Variants in FRMD4A observed in about 807,000 individuals in gnomAD.
FRMD4A encodes FERM domain-containing protein 4A.
FRMD4A carries 29 observed loss-of-function variants against 129.1 expected under a neutral mutation model. The ratio of observed to expected loss-of-function variants is 0.22; its 90% CI spans 0.17 to 0.31. FRMD4A has a LOEUF of 0.31. Among genes scored for constraint, FRMD4A ranks in the 10% least tolerant of loss-of-function variants. The pLI, the probability that FRMD4A is intolerant of heterozygous loss-of-function variation, is 1.00. For missense variants in FRMD4A, 1,272 were observed against 1,375.8 expected, an observed-to-expected ratio of 0.92 and a Z score of 1.19; for synonymous variants, 634 against 571.6, an observed-to-expected ratio of 1.11 and a Z score of -1.56.
chr10:13,689,730 T>C (rs752751652), intron 15 of FRMD4A, among the ~76,000 whole-genome samples: 1 of 115,984 alleles, frequency 8.6e-6, no homozygotes, highest in Non-Finnish European at 1.7e-5. Context: ...ATTAAGAAGA[T>C]TTTTTTTTTT....
At chr10:14,201,228 C>A (rs1159288129) in intron 2 of FRMD4A, among the ~76,000 whole-genome samples, 2 of 152,240 alleles carry the variant, frequency 1.3e-5, no homozygotes, top group Non-Finnish European at 2.9e-5. Flanking sequence ...CTCTTGCTCG[C>A]CAGTCCTTGG....
In FRMD4A at chr10:13,694,167, A is replaced by G. The variant is rs909846008; in HGVS notation, c.976-128T>C. 7 of 680,604 alleles carry G rather than the reference A, an allele frequency of 1.0e-5. No individual in the cohort carries two copies. The Admixed American group carries it at 2.1e-4, about 21-fold the overall frequency. 42.2% of individuals were successfully genotyped at this position (680,604 alleles called of 1,614,324 possible). A position where few individuals can be genotyped will look rare whatever the true frequency, so the allele number is the denominator to read the frequency against. On this transcript the variant is annotated intron_variant, in intron 14 of 24. Transcript: ENST00000357447. ...GGACTTATCTCCCTGACTAATGTGCAGCATTTTTGTTTGCATCCCTTGGCC... is the reference window on the plus strand; with the variant it reads ...GGACTTATCTCCCTGACTAATGTGCGGCATTTTTGTTTGCATCCCTTGGCC...
At chr10:13,958,343 G>A (rs995187710) in intron 2 of FRMD4A, among the ~76,000 whole-genome samples, 3 of 147,394 alleles carry the variant, frequency 2.0e-5, no homozygotes, top group Non-Finnish European at 3.0e-5. Context: ...GAGTGCAGTG[G>A]CGCGATCTCG....
intron 2 of FRMD4A, among the ~76,000 whole-genome samples, chr10:14,112,303 A>C (rs1837954241): frequency 6.6e-6 from 1 of 151,982 alleles, no homozygotes; most frequent in South Asian, 2.1e-4. Flanking sequence ...AACATGATTA[A>C]TGTGGCATTT....
At chr10:13,913,993 T>C (rs1589254543) in intron 2 of FRMD4A, among the ~76,000 whole-genome samples, 2 of 152,274 alleles carry the variant, frequency 1.3e-5, no homozygotes, top group Admixed American at 1.3e-4. Context: ...GGCTAGCAGG[T>C]GAGGCTTGAC....
chr10:14,171,308 C>T (rs570613216), intron 2 of FRMD4A, among the ~76,000 whole-genome samples: 10 of 152,200 alleles, frequency 6.6e-5, no homozygotes, highest in African/African-American at 2.4e-4. Flanking sequence ...TGCCAGAAGG[C>T]CAGTTAGAAA....
intron 2 of FRMD4A, among the ~76,000 whole-genome samples, chr10:13,980,979 G>A (rs1318098308): frequency 2.0e-5 from 3 of 152,140 alleles, no homozygotes; most frequent in Admixed American, 1.3e-4. Flanking sequence ...TGCAAAATCA[G>A]GCCTGTTTTA....
In FRMD4A at chr10:14,127,964, TTCTTTCTTTCTTTCCTTCTC is replaced by T. The variant is rs1464470377; in HGVS notation, c.45+202074_45+202093del. On this transcript the variant is annotated intron_variant, in intron 2 of 24. Transcript: ENST00000357447. ...TTTCTTTCTTTCTTTCTTTCTTTCT[TTCTTTCTTTCTTTCCTTCTC>T]TCTCTCTCTCTCTCTCTTTCTTTCT... Among the ~76,000 whole-genome samples, 250 of 35,306 alleles carry T rather than the reference TTCTTTCTTTCTTTCCTTCTC, an allele frequency of 7.1e-3. 16 individuals are homozygous for T. The highest frequency in any genetic ancestry group is 0.033 in the African/African-American group (221 of 6,674). 23.2% of individuals were successfully genotyped at this position (35,306 alleles called of 152,430 possible).
intron 2 of FRMD4A, among the ~76,000 whole-genome samples, chr10:13,915,533 A>G (rs960218786): frequency 1.3e-5 from 2 of 151,736 alleles, no homozygotes; most frequent in Admixed American, 6.6e-5. Context: ...TTAGCCGGGC[A>G]TGGTGGTGGG....
chr10:13,968,096 T>A (rs1023417175), intron 2 of FRMD4A, among the ~76,000 whole-genome samples: 1 of 152,198 alleles, frequency 6.6e-6, no homozygotes, highest in Non-Finnish European at 1.5e-5. Flanking sequence ...ATGTGCAGAA[T>A]GAGGCCCCTT....
intron 2 of FRMD4A, among the ~76,000 whole-genome samples, chr10:14,282,795 AT>A (rs1845564247): frequency 6.6e-6 from 1 of 152,168 alleles, no homozygotes; most frequent in Non-Finnish European, 1.5e-5. Context: ...TGTGGTGAAA[AT>A]TTAAAATTAG....
intron 2 of FRMD4A, among the ~76,000 whole-genome samples, chr10:13,935,631 G>A (rs72774664): frequency 0.08 from 12,143 of 152,038 alleles, 642 homozygotes; most frequent in Non-Finnish European, 0.12. Flanking sequence ...ATTTTTCAGT[G>A]GTGACGTGAA....
intron 2 of FRMD4A, among the ~76,000 whole-genome samples, chr10:14,176,135 T>C (rs949542174): frequency 1.3e-5 from 2 of 152,228 alleles, no homozygotes; most frequent in African/African-American, 4.8e-5. Context: ...GCACCTAGTA[T>C]GTGCTGGAAG....
At chr10:14,064,439 T>C (rs1230059762) in intron 2 of FRMD4A, among the ~76,000 whole-genome samples, 2 of 152,196 alleles carry the variant, frequency 1.3e-5, no homozygotes, top group Non-Finnish European at 2.9e-5. Flanking sequence ...CGTGGCCACC[T>C]GAGGGGAAGG....
chr10:14,000,124 C>T (rs1195976870), intron 2 of FRMD4A, among the ~76,000 whole-genome samples: 1 of 152,188 alleles, frequency 6.6e-6, no homozygotes, highest in African/African-American at 2.4e-5. Flanking sequence ...AGATGTGGTT[C>T]ATCCACTCCC....
chr10:14,301,894 G>T (rs1404046174), intron 2 of FRMD4A, among the ~76,000 whole-genome samples: 1 of 152,132 alleles, frequency 6.6e-6, no homozygotes, highest in Non-Finnish European at 1.5e-5. Context: ...GGATGGTTGG[G>T]TGCAGGTTGG....
intron 24 of FRMD4A, among the ~76,000 whole-genome samples, chr10:13,650,166 G>A (rs1159483236): frequency 6.6e-6 from 1 of 152,184 alleles, no homozygotes; most frequent in Non-Finnish European, 1.5e-5. Context: ...ATAACTGCTT[G>A]GCATAGGGAG....
chr10:13,976,355 C>T (rs1338722883), intron 2 of FRMD4A, among the ~76,000 whole-genome samples: 2 of 152,104 alleles, frequency 1.3e-5, no homozygotes, highest in Admixed American at 6.5e-5. Context: ...GTTCCCCTGC[C>T]CAAAGACAGG....
intron 2 of FRMD4A, among the ~76,000 whole-genome samples, chr10:13,873,963 C>T (rs2131095290): frequency 6.6e-6 from 1 of 151,302 alleles, no homozygotes; most frequent in South Asian, 2.1e-4. Flanking sequence ...CAAGTAGATG[C>T]TGGTTGGGTG....
Sources: allele counts gnomAD v4.1 joint callset (sites outside exome capture counted in the v4.1 genomes callset), GRCh38; gene constraint gnomAD v4.1.1; transcripts MANE v1.5; gene names NCBI Gene and HGNC (gene_info 2026-07-23, HGNC 2026-07-21).